The following CCZ1B variants were observed in gnomAD, a reference collection of about 807,000 sequenced individuals.
CCZ1B encodes vacuolar fusion protein CCZ1 homolog B.
In CCZ1B, 25 loss-of-function variants were observed where a neutral mutation model predicts 58.8. The observed-to-expected ratio is 0.43, with a 90% CI of 0.31 to 0.59. The LOEUF (loss-of-function observed/expected upper bound fraction) is 0.59. Among genes scored for constraint, CCZ1B ranks in the 20% least tolerant of loss-of-function variants. The pLI is 0.12. For synonymous variants in CCZ1B, 66 were observed against 173.2 expected (o/e 0.38, Z 4.86); for missense variants, 180 against 501.5 (o/e 0.36, Z 6.12).
chr7:6,810,567 C>G (rs1782903416), intron 10 of CCZ1B, among the ~76,000 whole-genome samples: 1 of 148,020 alleles, frequency 6.8e-6, no homozygotes, highest in African/African-American at 2.6e-5. Flanking sequence ...GTTCTCCTGC[C>G]TCAGCCTCCT....
intron 6 of CCZ1B, among the ~76,000 whole-genome samples, chr7:6,821,077 C>G (rs1225106050): frequency 1.4e-5 from 2 of 147,388 alleles, no homozygotes; most frequent in Non-Finnish European, 3.0e-5. Flanking sequence ...GGTGCGATCT[C>G]GGCTCACTGC....
chr7:6,805,112 C>A, intron 11 of CCZ1B, 57 bp from the exon 12 acceptor site: 1 of 1,145,276 alleles, frequency 8.7e-7, no homozygotes, highest in Non-Finnish European at 1.1e-6. Flanking sequence ...CGACACTGAA[C>A]AACAGTATTC....
Position 6,822,276 on chromosome 7 carries a change from C to G in CCZ1B, c.522+5G>C, listed in dbSNP as rs1341941130. 6.3e-7 allele frequency: 1 copy of G among 1,577,310 alleles called. No homozygotes were observed. The highest frequency in any genetic ancestry group is 1.4e-5 in the African/African-American group (1 of 69,610). ...AAAGTTATAAATGAAATTCAAAATA[C>G]TTACCCGATGGAAGAATTTCTCTAA... is the stretch of plus-strand genomic sequence containing the variant. On this transcript the variant is annotated splice_donor_5th_base_variant and intron_variant, in intron 6 of 14. Coordinates refer to ENST00000316731, the MANE Select transcript of CCZ1B (RefSeq NM_198097.5).
intron 7 of CCZ1B, among the ~76,000 whole-genome samples, chr7:6,815,860 G>A (rs1782991727): frequency 6.8e-6 from 1 of 147,878 alleles, no homozygotes; most frequent in South Asian, 2.2e-4. Context: ...AGGAGCAGAT[G>A]TCTCTTAGCT....
chr7:6,815,294 T>A (rs71524077), intron 7 of CCZ1B, among the ~76,000 whole-genome samples: 66,992 of 141,544 alleles, frequency 0.47, 14,818 homozygotes, highest in South Asian at 0.74. Flanking sequence ...GCCTCCAGAC[T>A]AGCTGGGACT....
intron 7 of CCZ1B, among the ~76,000 whole-genome samples, chr7:6,815,112 T>C (rs1280229599): frequency 6.7e-6 from 1 of 149,322 alleles, no homozygotes; most frequent in Non-Finnish European, 1.5e-5. Flanking sequence ...TGTCAAACTT[T>C]TCCAAAGAAT....
At chr7:6,823,586 C>T (rs2711229) in intron 4 of CCZ1B, among the ~76,000 whole-genome samples, 7 of 139,730 alleles carry the variant, frequency 5.0e-5, no homozygotes, top group Admixed American at 7.2e-5. Context: ...TGGTACAATC[C>T]TGGCTCACTG....
At chr7:6,800,819 G>A (rs1782755885) in intron 14 of CCZ1B, 129 bp downstream of exon 14, 1 of 353,332 alleles carries the variant, frequency 2.8e-6, no homozygotes, top group Non-Finnish European at 4.6e-6. Context: ...GATCAAATGT[G>A]GAGCAGAGGC....
intron 8 of CCZ1B, among the ~76,000 whole-genome samples, chr7:6,813,769 C>T (rs1345039068): frequency 6.7e-6 from 1 of 149,400 alleles, no homozygotes; most frequent in African/African-American, 2.5e-5. Context: ...ATTAGGTCTC[C>T]TGTTGATAGA....
chr7:6,824,131 T>G lies in CCZ1B; in HGVS notation c.348A>C (p.Lys116Asn), dbSNP rs759772474. The G allele has an allele frequency of 2.0e-6, 3 of 1,491,924 alleles. No homozygotes were observed. Among genetic ancestry groups the G allele is most frequent in the Non-Finnish European group, 2.7e-6 (3 of 1,108,692 alleles). The allele number at this position is 1,491,924 out of a possible 1,614,324, so 92.4% of individuals were successfully genotyped here. Residue 116 changes from lysine (K) to asparagine (N), a missense_variant, in exon 4 of 15, where the codon AAA becomes AAC. By Grantham distance (94) the Lys-to-Asn change is moderately conservative. Coordinates refer to ENST00000316731, the MANE Select transcript of CCZ1B (RefSeq NM_198097.5). ...GATATTCAATAACTGGTTTTCCATC[T>G]TTACTCTGTTTTTCAATTATAGGAT... ...VRNPIIEKQS[K>N]DGKPVIEYQE...
intron 7 of CCZ1B, among the ~76,000 whole-genome samples, chr7:6,817,813 G>GACCAGCCTGGCCA (rs1382765381): frequency 2.0e-5 from 3 of 149,376 alleles, no homozygotes; most frequent in Non-Finnish European, 3.0e-5. Flanking sequence ...AGGAGTTCGA[G>GACCAGCCTGGCCA]ACCAGCCTGG....
At chr7:6,808,180 G>A (rs1488257758) in intron 10 of CCZ1B, among the ~76,000 whole-genome samples, 2 of 126,372 alleles carry the variant, frequency 1.6e-5, no homozygotes, top group Non-Finnish European at 3.4e-5. Context: ...GCCATGTGGG[G>A]CCAGCTGTGT....
At chr7:6,825,364 G>C (rs1434853119) in intron 1 of CCZ1B, among the ~76,000 whole-genome samples, 1 of 146,216 alleles carries the variant, frequency 6.8e-6, no homozygotes, top group Non-Finnish European at 1.5e-5. Context: ...TCAGCCTCCT[G>C]AGTAACTGGA....
chr7:6,815,162 ATTT>A (rs1253229199), intron 7 of CCZ1B, among the ~76,000 whole-genome samples: 2 of 138,906 alleles, frequency 1.4e-5, no homozygotes, highest in African/African-American at 5.5e-5. Context: ...TTAAAAAAAA[ATTT>A]TTTTTTCTTT....
chr7:6,810,263 T>C (rs564463058), intron 10 of CCZ1B, among the ~76,000 whole-genome samples: 1 of 149,872 alleles, frequency 6.7e-6, no homozygotes, highest in East Asian at 1.9e-4. Flanking sequence ...TCCGCCCACC[T>C]TGGCCTCCCA....
intron 9 of CCZ1B, 90 bp from the exon 10 acceptor site, chr7:6,812,153 C>G: frequency 8.8e-7 from 1 of 1,142,834 alleles, no homozygotes; most frequent in Admixed American, 1.8e-5. Context: ...TTCATACACA[C>G]CAGTTGCTTT....
intron 7 of CCZ1B, among the ~76,000 whole-genome samples, chr7:6,819,060 G>A (rs1236087024): frequency 2.9e-5 from 4 of 140,028 alleles, no homozygotes; most frequent in Non-Finnish European, 4.5e-5. Context: ...TGAGGCGGGT[G>A]GATCGCTTGA....
chr7:6,816,610 C>A (rs1323180516), intron 7 of CCZ1B, among the ~76,000 whole-genome samples: 7 of 150,974 alleles, frequency 4.6e-5, no homozygotes, highest in Non-Finnish European at 1.0e-4. Flanking sequence ...CCAGGCTGGT[C>A]TCCAAGTAAC....
Position 6,811,983 on chromosome 7 carries a change from G to A in CCZ1B, c.923C>T (p.Thr308Ile). The A allele has an allele frequency of 1.3e-6, 2 of 1,574,042 alleles. No homozygotes were observed. Among genetic ancestry groups the A allele is most frequent in the South Asian group, 1.1e-5 (1 of 87,566 alleles). The change falls in exon 10 of 15, where the codon ACT becomes ATT. Residue 308 changes from threonine to isoleucine, a missense_variant. Coordinates refer to ENST00000316731, the MANE Select transcript of CCZ1B (RefSeq NM_198097.5). ...AACGATTAAATGGAGCTCTTCATAA[G>A]TGTCATCTGTATTTACAAAAATTTT... ...FPKIFVNTDD[T>I]YEELHLIVYK...
Sources: allele counts gnomAD v4.1 joint callset (sites outside exome capture counted in the v4.1 genomes callset), GRCh38; gene constraint gnomAD v4.1.1; transcripts MANE v1.5; gene names NCBI Gene and HGNC (gene_info 2026-07-23, HGNC 2026-07-21).